Variants in MSRA observed in about 807,000 individuals in gnomAD.
MSRA encodes methionine sulfoxide reductase A, also known as mitochondrial peptide methionine sulfoxide reductase.
A neutral mutation model predicts 31.3 loss-of-function variants in MSRA; 54 were observed. That is an observed-to-expected ratio of 1.73 (90% CI 1.39 to 2.17). The LOEUF is 2.17. MSRA is among the 30% of genes most tolerant of loss of function. The pLI, the probability that MSRA is intolerant of heterozygous loss-of-function variation, is 0.00. For missense variants in MSRA, 507 were observed against 300.9 expected (o/e 1.69, Z -5.07); for synonymous variants, 169 against 116.5 (o/e 1.45, Z -2.90).
intron 2 of MSRA, among the ~76,000 whole-genome samples, chr8:10,212,773 G>A (rs1429587582): frequency 6.6e-6 from 1 of 152,188 alleles, no homozygotes; most frequent in Admixed American, 6.5e-5. Context: ...GTGGGGCTAT[G>A]TAGCCTTTAA....
intron 1 of MSRA, among the ~76,000 whole-genome samples, chr8:10,160,543 G>A (rs1413519114): frequency 6.6e-6 from 1 of 151,754 alleles, no homozygotes; most frequent in Non-Finnish European, 1.5e-5. Flanking sequence ...ATGAATCCAT[G>A]ACACGTCCTT....
chr8:10,199,032 G>A (rs1256824728), intron 1 of MSRA, among the ~76,000 whole-genome samples: 1 of 152,146 alleles, frequency 6.6e-6, no homozygotes, highest in Non-Finnish European at 1.5e-5. Context: ...CATCTATTGT[G>A]TATTTATATA....
intron 2 of MSRA, among the ~76,000 whole-genome samples, chr8:10,239,972 C>T (rs1259603901): frequency 6.6e-6 from 1 of 152,154 alleles, no homozygotes; most frequent in African/African-American, 2.4e-5. Context: ...TTCAGGACGG[C>T]AGTTCCTGGT....
chr8:10,231,004 C>T (rs1811428008), intron 2 of MSRA, among the ~76,000 whole-genome samples: 1 of 152,148 alleles, frequency 6.6e-6, no homozygotes. Context: ...AGGCGAGTCT[C>T]GAACTCTTGA....
intron 2 of MSRA, among the ~76,000 whole-genome samples, chr8:10,230,606 C>T (rs879460057): frequency 6.6e-6 from 1 of 152,190 alleles, no homozygotes; most frequent in Non-Finnish European, 1.5e-5. Context: ...GACTATCTGT[C>T]AGTCTGTATA....
At chr8:10,122,330 T>G (rs1801183987) in intron 1 of MSRA, among the ~76,000 whole-genome samples, 2 of 152,076 alleles carry the variant, frequency 1.3e-5, no homozygotes. Context: ...GAAGCATACT[T>G]TGTGAGGATC....
intron 5 of MSRA, among the ~76,000 whole-genome samples, chr8:10,392,694 T>A (rs367940818): frequency 7.6e-5 from 10 of 131,370 alleles, no homozygotes; most frequent in East Asian, 4.1e-4. Flanking sequence ...TTTTTTTTTT[T>A]AAATCTATGA....
At chr8:10,332,209 A>G (rs968749465) in intron 5 of MSRA, among the ~76,000 whole-genome samples, 1 of 152,194 alleles carries the variant, frequency 6.6e-6, no homozygotes, top group South Asian at 2.1e-4. Flanking sequence ...TTTAAAACCC[A>G]TCTGAGTACC....
At position 10,201,632 on chromosome 8, in the gene MSRA, G is replaced by A. The variant is rs866959967; in HGVS notation, c.143-6201G>A. ...GTTTTACTGTGCCCTTTTCAAGGAAGAAAGTCATACAATTTGAAGTGCATG... is the reference window on the plus strand; with the variant it reads ...GTTTTACTGTGCCCTTTTCAAGGAAAAAAGTCATACAATTTGAAGTGCATG... On this transcript the variant is annotated intron_variant, in intron 1 of 5. Coordinates refer to ENST00000317173, the MANE Select transcript of MSRA (RefSeq NM_012331.5). Among the ~76,000 whole-genome samples the A allele has an allele frequency of 2.6e-5, 4 of 152,332 alleles. No individual in the cohort carries two copies. In the South Asian group the frequency reaches 6.2e-4, roughly 24 times the overall value.
intron 3 of MSRA, among the ~76,000 whole-genome samples, chr8:10,292,738 G>C (rs911056739): frequency 6.6e-6 from 1 of 152,222 alleles, no homozygotes; most frequent in African/African-American, 2.4e-5. Flanking sequence ...GGCAGGGCTT[G>C]GACTGTGGGT....
intron 5 of MSRA, among the ~76,000 whole-genome samples, chr8:10,407,179 G>A (rs1245027702): frequency 6.6e-6 from 1 of 152,208 alleles, no homozygotes; most frequent in Admixed American, 6.5e-5. Context: ...GCCCAGCCTA[G>A]ACTATGTGAC....
chr8:10,144,994 C>G (rs1021279402), intron 1 of MSRA, among the ~76,000 whole-genome samples: 1 of 151,050 alleles, frequency 6.6e-6, no homozygotes, highest in Non-Finnish European at 1.5e-5. Context: ...CTCCTTTCCC[C>G]TCCCCCCGCC....
chr8:10,255,981 C>A (rs1395941406), intron 3 of MSRA, among the ~76,000 whole-genome samples: 1 of 152,120 alleles, frequency 6.6e-6, no homozygotes, highest in Non-Finnish European at 1.5e-5. Flanking sequence ...ACCCCAGGAA[C>A]CACACTGACA....
chr8:10,066,167 G>A (rs1479753950), intron 1 of MSRA, among the ~76,000 whole-genome samples: 1 of 152,028 alleles, frequency 6.6e-6, no homozygotes, highest in Non-Finnish European at 1.5e-5. Context: ...GGGATTACAG[G>A]CGCCCAGCAG....
intron 4 of MSRA, among the ~76,000 whole-genome samples, chr8:10,316,462 A>G (rs1206420775): frequency 6.7e-6 from 1 of 149,980 alleles, no homozygotes; most frequent in Non-Finnish European, 1.5e-5. Context: ...TTGGGTGAAT[A>G]ACGTAGTAAA....
intron 5 of MSRA, among the ~76,000 whole-genome samples, chr8:10,410,595 C>T (rs1291432914): frequency 6.6e-6 from 1 of 152,128 alleles, no homozygotes; most frequent in Admixed American, 6.5e-5. Flanking sequence ...AAGAGAAGGC[C>T]AAGCCTCAAG....
chr8:10,145,538 G>A (rs992925496), intron 1 of MSRA, among the ~76,000 whole-genome samples: 1 of 152,200 alleles, frequency 6.6e-6, no homozygotes, highest in African/African-American at 2.4e-5. Flanking sequence ...ATCCTCTGAA[G>A]AGGCGTGTTT....
At chr8:10,140,846 A>AAAAGAGAAGG (rs1434552890) in intron 1 of MSRA, among the ~76,000 whole-genome samples, 1 of 152,222 alleles carries the variant, frequency 6.6e-6, no homozygotes, top group South Asian at 2.1e-4. Context: ...TTGAGGATGA[A>AAAAGAGAAGG]AAAGAGAAGG....
intron 3 of MSRA, among the ~76,000 whole-genome samples, chr8:10,288,476 G>T (rs922403584): frequency 2.0e-5 from 3 of 152,166 alleles, no homozygotes; most frequent in Non-Finnish European, 4.4e-5. Flanking sequence ...CGATTATAAA[G>T]TTCTTAAGCC....
Sources: allele counts gnomAD v4.1 joint callset (sites outside exome capture counted in the v4.1 genomes callset), GRCh38; gene constraint gnomAD v4.1.1; transcripts MANE v1.5; gene names NCBI Gene and HGNC (gene_info 2026-07-23, HGNC 2026-07-21).